Variants in TEX14 observed in about 807,000 individuals in gnomAD.
TEX14 encodes inactive serine/threonine-protein kinase TEX14.
Under a neutral mutation model 178.6 loss-of-function variants are expected in TEX14, and 168 were observed. The ratio of observed to expected loss-of-function variants is 0.94; its 90% CI spans 0.83 to 1.07. The LOEUF (loss-of-function observed/expected upper bound fraction) is 1.07. Ranked by LOEUF, TEX14 falls within the 50% of genes least tolerant of loss-of-function variation. TEX14 has a pLI of 0.00. For synonymous variants in TEX14, 626 were observed against 634.1 expected (o/e 0.99, Z 0.19); for missense variants, 1,730 against 1,753.6 (o/e 0.99, Z 0.24).
At chr17:58,632,356 T>A (rs1022991496) in intron 2 of TEX14, among the ~76,000 whole-genome samples, 4 of 152,248 alleles carry the variant, frequency 2.6e-5, no homozygotes, top group African/African-American at 4.8e-5. Context: ...TTATTCTACA[T>A]GGCATTGCTG....
intron 1 of TEX14, chr17:58,660,633 C>T (rs1243410042): frequency 1.3e-6 from 1 of 790,890 alleles, no homozygotes; most frequent in Non-Finnish European, 2.3e-6. Context: ...TTCCAGTCAT[C>T]CCACTCTCGA....
chr17:58,557,942 G>C (rs945197519), intron 30 of TEX14, 92 bp from the exon 31 acceptor site: 1 of 938,652 alleles, frequency 1.1e-6, no homozygotes, highest in Non-Finnish European at 1.7e-6. Context: ...CTCTAATTTA[G>C]AGTAGACTGT....
chr17:58,571,869 G>A, intron 24 of TEX14, 52 bp downstream of exon 24: 1 of 1,517,400 alleles, frequency 6.6e-7, no homozygotes, highest in South Asian at 1.1e-5. Flanking sequence ...TTGGGTCACT[G>A]GGCCCTTTGG....
intron 1 of TEX14, among the ~76,000 whole-genome samples, chr17:58,683,199 C>T (rs1158376877): frequency 6.6e-6 from 1 of 151,044 alleles, no homozygotes; most frequent in Admixed American, 6.6e-5. Flanking sequence ...ATAGCAAAAC[C>T]CCATCTCTAC....
At chr17:58,645,151 A>C (rs1221469201) in intron 2 of TEX14, among the ~76,000 whole-genome samples, 1 of 150,018 alleles carries the variant, frequency 6.7e-6, no homozygotes, top group Non-Finnish European at 1.5e-5. Flanking sequence ...ATATCCAGCT[A>C]ATTTTTTTGT....
chr17:58,661,658 C>G, intron 1 of TEX14: 1 of 631,724 alleles, frequency 1.6e-6, no homozygotes, highest in South Asian at 1.9e-5. Context: ...CGTAAAGATT[C>G]TGGCGTAGAT....
chr17:58,593,387 C>G (rs959943676), intron 15 of TEX14, among the ~76,000 whole-genome samples, 168 bp downstream of exon 15: 1 of 152,218 alleles, frequency 6.6e-6, no homozygotes, highest in Non-Finnish European at 1.5e-5. Context: ...GTTCCCATGA[C>G]ACTGCTCTTC....
At chr17:58,581,087 C>T (rs531033414) in intron 19 of TEX14, among the ~76,000 whole-genome samples, 39 of 151,942 alleles carry the variant, frequency 2.6e-4, no homozygotes, top group South Asian at 2.1e-4. Context: ...CCGAGGCGGG[C>T]GGATCACGAG....
intron 9 of TEX14, among the ~76,000 whole-genome samples, chr17:58,611,808 A>G (rs143541137): frequency 1.4e-4 from 22 of 152,344 alleles, no homozygotes; most frequent in Non-Finnish European, 2.4e-4. Flanking sequence ...AAGGGGACAG[A>G]AATTCACTCA....
rs2046035122 is a variant in TEX14 at position 58,622,958 on chromosome 17, C to A, written c.306G>T (p.Gln102His). The A allele has an allele frequency of 1.2e-6, 2 of 1,611,404 alleles. No homozygotes were observed. The change falls in exon 4 of 32, where the codon CAG becomes CAT. Residue 102 changes from glutamine to histidine, a missense_variant. Transcript: ENST00000349033. ...PVHAAAFSGN[Q>H]WILSKLLDAG... is the part of the protein sequence containing the mutation. ...CATCCAGCAGTTTGCTAAGGATCCACTGATTGCCCGAAAATGCTGCTGCAT... is the reference window on the plus strand; with the variant it reads ...CATCCAGCAGTTTGCTAAGGATCCAATGATTGCCCGAAAATGCTGCTGCAT...
intron 19 of TEX14, chr17:58,581,780 A>C: frequency 6.3e-7 from 1 of 1,593,832 alleles, no homozygotes; most frequent in Non-Finnish European, 8.5e-7. Context: ...ATTGTAACGA[A>C]ATCCCTTTAT....
At chr17:58,690,393 T>C (rs1314866037) in intron 1 of TEX14, among the ~76,000 whole-genome samples, 3 of 152,160 alleles carry the variant, frequency 2.0e-5, no homozygotes, top group Non-Finnish European at 4.4e-5. Flanking sequence ...CTCAAACTCC[T>C]GAGATCAAGC....
chr17:58,571,123 G>A (rs1342906646), intron 24 of TEX14, among the ~76,000 whole-genome samples: 1 of 151,958 alleles, frequency 6.6e-6, no homozygotes, highest in African/African-American at 2.4e-5. Context: ...ACGGTTAAAT[G>A]AACACATAAA....
In TEX14 at chr17:58,585,981, C is replaced by T. The variant is rs774258752; in HGVS notation, c.2890G>A (p.Glu964Lys). The T allele has an allele frequency of 1.9e-6, 3 of 1,614,120 alleles. No homozygotes were observed. Among genetic ancestry groups the T allele is most frequent in the Non-Finnish European group, 2.5e-6 (3 of 1,180,026 alleles). Residue 964 changes from glutamate to lysine, a missense_variant, in exon 18 of 32, where the codon GAG becomes AAG. Glu to Lys is a moderately conservative substitution (Grantham distance 56, BLOSUM62 1). Around this residue, in one of 2 missense-constraint regions of TEX14, gnomAD observed 941 missense variants for 1,072.4 expected, o/e 0.88. Coordinates refer to ENST00000349033, the MANE Select transcript of TEX14 (RefSeq NM_031272.5). The part of the protein sequence containing the change: ...SLTLESEAEN[E>K]PDALLQPPIR... ...GGGGGCTGCAGCAGGGCGTCGGGCT[C>T]ATTTTCAGCCTCGCTCTCTAAAGTC... is the stretch of plus-strand genomic sequence containing the variant.
At chr17:58,641,893 G>A (rs1017651862) in intron 2 of TEX14, among the ~76,000 whole-genome samples, 1 of 152,170 alleles carries the variant, frequency 6.6e-6, no homozygotes, top group Non-Finnish European at 1.5e-5. Flanking sequence ...TTTCATAGAT[G>A]CTGGGTATAG....
At chr17:58,661,863 C>T in intron 1 of TEX14, 1 of 378,628 alleles carries the variant, frequency 2.6e-6, no homozygotes, top group East Asian at 4.6e-5. Flanking sequence ...TACTGCCTTC[C>T]TGGCTCACAA....
At chr17:58,563,658 T>TATAGAG (rs1351647352) in intron 28 of TEX14, among the ~76,000 whole-genome samples, 6 of 17,476 alleles carry the variant, frequency 3.4e-4, no homozygotes, top group Non-Finnish European at 3.5e-4. Flanking sequence ...TATATATATA[T>TATAGAG]AGAGAGAGAG....
intron 1 of TEX14, chr17:58,677,729 G>C (rs567590561): frequency 1.5e-5 from 1 of 65,510 alleles, no homozygotes; most frequent in African/African-American, 1.6e-4. Context: ...TTCCCTGCCC[G>C]GTAAAGTGGA....
At chr17:58,613,400 T>C (rs763753144) in intron 9 of TEX14, 21 bp downstream of exon 9, 14 of 1,613,328 alleles carry the variant, frequency 8.7e-6, no homozygotes, top group Non-Finnish European at 1.2e-5. Context: ...CAATGGAAAA[T>C]CCACGGAAAC....
Sources: allele counts gnomAD v4.1 joint callset (sites outside exome capture counted in the v4.1 genomes callset), GRCh38; gene constraint gnomAD v4.1.1; regional missense constraint gnomAD v4.1.1; transcripts MANE v1.5; gene names NCBI Gene and HGNC (gene_info 2026-07-23, HGNC 2026-07-21).